The following CDH13 variants were observed in gnomAD, a reference collection of about 807,000 sequenced individuals.
CDH13 encodes the protein cadherin-13.
A neutral mutation model predicts 63.8 loss-of-function variants in CDH13; 24 were observed. The ratio of observed to expected loss-of-function variants is 0.38; its 90% CI spans 0.27 to 0.53. The LOEUF (loss-of-function observed/expected upper bound fraction) is 0.53, where lower values mean the gene tolerates loss of function less well. Among genes scored for constraint, CDH13 ranks in the 20% least tolerant of loss-of-function variants. CDH13 has a pLI of 0.85. For synonymous variants in CDH13, 503 were observed against 355.3 expected (o/e 1.42, Z -4.67); for missense variants, 1,049 against 903.1 (o/e 1.16, Z -2.07).
At position 83,645,651 on chromosome 16, in the gene CDH13, C is replaced by A. The variant is rs550082700; in HGVS notation, c.1102-25139C>A. ...AGAAACCTCAGCAGCAAAGCCCCTT[C>A]CCCATCCTTCTCCAATCACCAGAGC... On this transcript the variant is annotated intron_variant, in intron 8 of 13. Coordinates refer to ENST00000567109, the MANE Select transcript of CDH13 (RefSeq NM_001257.5). 8.1e-4 allele frequency among the ~76,000 whole-genome samples: 124 copies of A among 152,186 alleles called. 1 individual carries two copies. Among genetic ancestry groups the A allele is most frequent in the African/African-American group, 2.8e-3 (117 of 41,500 alleles).
chr16:83,176,145 C>T lies in CDH13; in HGVS notation c.484-41200C>T, dbSNP rs183392137. 4.8e-3 allele frequency among the ~76,000 whole-genome samples: 722 copies of T among 151,884 alleles called. 5 individuals carry two copies. Among genetic ancestry groups the T allele is most frequent in the Non-Finnish European group, 8.4e-3 (571 of 67,920 alleles). On this transcript the variant is annotated intron_variant, in intron 4 of 13. Coordinates refer to ENST00000567109, the MANE Select transcript of CDH13 (RefSeq NM_001257.5). ...GATTACAGGCGTGAGCTACCATTCCCGGCCTCAACCTACTTTTTAAATTAA... is the reference window on the plus strand; with the variant it reads ...GATTACAGGCGTGAGCTACCATTCCTGGCCTCAACCTACTTTTTAAATTAA...
chr16:83,342,670 A>T (rs974490575), intron 5 of CDH13, among the ~76,000 whole-genome samples: 2 of 152,054 alleles, frequency 1.3e-5, no homozygotes, highest in African/African-American at 4.8e-5. Context: ...GTTAAGATGG[A>T]TCTGTTGTCT....
In CDH13 at chr16:83,780,089, A is replaced by G. The variant is rs1274914595; in HGVS notation, c.1803A>G (p.Val601=). 6.2e-7 allele frequency: 1 copy of G among 1,613,876 alleles called. No individual in the cohort carries two copies. Among genetic ancestry groups the G allele is most frequent in the Non-Finnish European group, 8.5e-7 (1 of 1,179,804 alleles). ...EVCDDAKNLS[V]VILGASDKDL... is the part of the protein sequence containing the mutation. ...GTGATGATGCCAAAAACCTCAGTGTAGTCATTTTGGGAGCATCAGATAAGG... is the reference window on the plus strand; with the variant it reads ...GTGATGATGCCAAAAACCTCAGTGTGGTCATTTTGGGAGCATCAGATAAGG... Residue 601 remains valine (V), a synonymous_variant, in exon 12 of 14, where the codon GTA becomes GTG. Coordinates refer to ENST00000567109, the MANE Select transcript of CDH13 (RefSeq NM_001257.5).
chr16:82,980,411 T>C (rs1337041224), intron 2 of CDH13, among the ~76,000 whole-genome samples: 2 of 152,200 alleles, frequency 1.3e-5, no homozygotes, highest in Non-Finnish European at 2.9e-5. Flanking sequence ...ACAGAAGCTA[T>C]CCAGCCTGGT....
intron 4 of CDH13, among the ~76,000 whole-genome samples, chr16:83,128,579 C>G (rs561562172): frequency 6.6e-6 from 1 of 152,306 alleles, no homozygotes; most frequent in Non-Finnish European, 1.5e-5. Flanking sequence ...CCAGTTTACA[C>G]CTGTCGTCCA....
intron 7 of CDH13, among the ~76,000 whole-genome samples, chr16:83,504,416 A>G (rs1598173342): frequency 6.6e-6 from 1 of 152,354 alleles, no homozygotes; most frequent in African/African-American, 2.4e-5. Context: ...CCTATGAAAG[A>G]GAGCACAAAG....
chr16:83,605,345 G>A (rs921563502), intron 8 of CDH13, among the ~76,000 whole-genome samples: 1 of 152,152 alleles, frequency 6.6e-6, no homozygotes, highest in Non-Finnish European at 1.5e-5. Context: ...ACTTTCTGTC[G>A]TGTTCCTGAA....
chr16:82,997,361 G>A (rs1224265501), intron 2 of CDH13, among the ~76,000 whole-genome samples: 1 of 152,126 alleles, frequency 6.6e-6, no homozygotes, highest in Non-Finnish European at 1.5e-5. Flanking sequence ...TCAGGGCTAG[G>A]ACTAGAGTGA....
chr16:82,848,408 C>A (rs551295877), intron 1 of CDH13, among the ~76,000 whole-genome samples: 1 of 152,220 alleles, frequency 6.6e-6, no homozygotes, highest in Non-Finnish European at 1.5e-5. Flanking sequence ...GACAACTCTG[C>A]ACTGAGCAAG....
At chr16:83,057,035 C>T (rs2031016828) in intron 3 of CDH13, among the ~76,000 whole-genome samples, 1 of 152,138 alleles carries the variant, frequency 6.6e-6, no homozygotes, top group Admixed American at 6.6e-5. Context: ...GGTGCATTCT[C>T]AGCTCACTGC....
At chr16:82,941,094 A>G (rs1346252686) in intron 2 of CDH13, among the ~76,000 whole-genome samples, 1 of 152,192 alleles carries the variant, frequency 6.6e-6, no homozygotes, top group East Asian at 1.9e-4. Flanking sequence ...CAGTAAAATG[A>G]GAGATTGGAT....
chr16:83,147,225 A>G (rs531925441), intron 4 of CDH13, among the ~76,000 whole-genome samples: 1 of 152,326 alleles, frequency 6.6e-6, no homozygotes, highest in East Asian at 1.9e-4. Flanking sequence ...AGTCAACCAC[A>G]TGTTAAAGTT....
At chr16:82,705,896 TC>T (rs2031447608) in intron 1 of CDH13, among the ~76,000 whole-genome samples, 1 of 152,190 alleles carries the variant, frequency 6.6e-6, no homozygotes, top group South Asian at 2.1e-4. Context: ...GGTTTAGTCA[TC>T]TGGCATATTA....
intron 3 of CDH13, among the ~76,000 whole-genome samples, chr16:83,075,197 C>G (rs1395479492): frequency 1.3e-5 from 2 of 152,144 alleles, no homozygotes; most frequent in Non-Finnish European, 2.9e-5. Context: ...TGGCTTGTGT[C>G]CACACCCTGT....
chr16:83,295,846 T>C (rs2089581650), intron 5 of CDH13, among the ~76,000 whole-genome samples: 1 of 152,174 alleles, frequency 6.6e-6, no homozygotes, highest in Admixed American at 6.5e-5. Flanking sequence ...AACATCAATA[T>C]GTCAAAGAGA....
rs1663344676 is a variant in CDH13 at position 83,042,563 on chromosome 16, T to G, written c.366+10345T>G. 2.0e-5 allele frequency among the ~76,000 whole-genome samples: 3 copies of G among 152,200 alleles called. No individual in the cohort carries two copies. The South Asian group carries it at 6.2e-4, about 32-fold the overall frequency. ...CAATTAACTAATAATAGAAATAAAG[T>G]GCATGATAAATGTAATGCACTTGAA... is the stretch of plus-strand genomic sequence containing the variant. On this transcript the variant is annotated intron_variant, in intron 3 of 13. Coordinates refer to ENST00000567109, the MANE Select transcript of CDH13 (RefSeq NM_001257.5).
At chr16:83,794,769 G>T (rs565170517) in intron 13 of CDH13, among the ~76,000 whole-genome samples, 48 of 152,162 alleles carry the variant, frequency 3.2e-4, no homozygotes, top group African/African-American at 1.1e-3. Flanking sequence ...GGTGGTAATA[G>T]CAGCTCTCGG....
intron 8 of CDH13, among the ~76,000 whole-genome samples, chr16:83,609,326 C>A (rs1284575203): frequency 6.6e-6 from 1 of 152,120 alleles, no homozygotes; most frequent in East Asian, 1.9e-4. Flanking sequence ...CCAGGGAAGC[C>A]AAAAGATTGG....
intron 5 of CDH13, among the ~76,000 whole-genome samples, chr16:83,299,948 G>A (rs955353215): frequency 5.3e-5 from 8 of 152,182 alleles, no homozygotes; most frequent in African/African-American, 1.7e-4. Flanking sequence ...TGAGGGCAAG[G>A]TCTACCTGCA....
Sources: allele counts gnomAD v4.1 joint callset (sites outside exome capture counted in the v4.1 genomes callset), GRCh38; gene constraint gnomAD v4.1.1; transcripts MANE v1.5; gene names NCBI Gene and HGNC (gene_info 2026-07-23, HGNC 2026-07-21).